FAM135B: variants seen among roughly 807,000 people sequenced by gnomAD.
The protein encoded by FAM135B is family with sequence similarity 135 member B.
FAM135B carries 43 observed loss-of-function variants against 127.7 expected under a neutral mutation model. That is an observed-to-expected ratio of 0.34 (90% CI 0.26 to 0.43). The LOEUF (loss-of-function observed/expected upper bound fraction) is 0.43, where lower values mean the gene tolerates loss of function less well. Among genes scored for constraint, FAM135B ranks in the 20% least tolerant of loss-of-function variants. The pLI is 1.00. For missense variants in FAM135B, 1,558 were observed against 1,725.6 expected, an observed-to-expected ratio of 0.90 and a Z score of 1.72; for synonymous variants, 670 against 665.1, an observed-to-expected ratio of 1.01 and a Z score of -0.11.
chr8:138,140,359 G>T (rs1250652873), intron 17 of FAM135B, among the ~76,000 whole-genome samples: 1 of 152,186 alleles, frequency 6.6e-6, no homozygotes, highest in Non-Finnish European at 1.5e-5. Context: ...CACATAATGG[G>T]TTTGAACAAT....
chr8:138,417,395 C>T lies in FAM135B; in HGVS notation c.-19-49393G>A, dbSNP rs572784015. 3.3e-5 allele frequency among the ~76,000 whole-genome samples: 5 copies of T among 152,248 alleles called. No individual in the cohort carries two copies. The South Asian group carries it at 1.0e-3, about 32-fold the overall frequency. ...TAGGCAGGCCCTCACCACCAGCAACCCTCTCCCCATGCTGCTTTTTTGGTG... is the reference window on the plus strand; with the variant it reads ...TAGGCAGGCCCTCACCACCAGCAACTCTCTCCCCATGCTGCTTTTTTGGTG... On this transcript the variant is annotated intron_variant, in intron 1 of 19. Coordinates refer to ENST00000395297, the MANE Select transcript of FAM135B (RefSeq NM_015912.4).
intron 7 of FAM135B, among the ~76,000 whole-genome samples, chr8:138,217,816 G>C (rs984400873): frequency 1.3e-5 from 2 of 152,110 alleles, no homozygotes; most frequent in African/African-American, 2.4e-5. Context: ...TGAACTACCT[G>C]GTCCTTTCCT....
intron 7 of FAM135B, among the ~76,000 whole-genome samples, chr8:138,220,856 G>C (rs1012028991): frequency 2.6e-5 from 4 of 152,194 alleles, no homozygotes; most frequent in African/African-American, 9.7e-5. Flanking sequence ...AGGAGAGTAA[G>C]AAGCAAGGGA....
In FAM135B at chr8:138,433,638, G is replaced by C. The variant is rs531335852; in HGVS notation, c.-20+63033C>G. Among the ~76,000 whole-genome samples the C allele has an allele frequency of 2.0e-5, 3 of 152,294 alleles. No homozygotes were observed. The East Asian group carries it at 5.8e-4, about 29-fold the overall frequency. ...AGTTGATGAAATTCATGCTCAGGAA[G>C]ATCAGGTGGCTGAAGCTCACATGGT... On this transcript the variant is annotated intron_variant, in intron 1 of 19. Transcript: ENST00000395297.
At chr8:138,350,899 A>C (rs1471605949) in intron 2 of FAM135B, among the ~76,000 whole-genome samples, 2 of 152,144 alleles carry the variant, frequency 1.3e-5, no homozygotes, top group East Asian at 3.9e-4. Context: ...CATGGTCTTC[A>C]TATCTAATGT....
intron 1 of FAM135B, chr8:138,439,751 T>A (rs1348703043): frequency 6.6e-6 from 1 of 152,198 alleles, no homozygotes; most frequent in Admixed American, 6.5e-5. Flanking sequence ...TTGTGTCCCA[T>A]GTTACAACTG....
At chr8:138,286,317 T>C (rs1824682526) in intron 3 of FAM135B, among the ~76,000 whole-genome samples, 1 of 152,164 alleles carries the variant, frequency 6.6e-6, no homozygotes, top group African/African-American at 2.4e-5. Flanking sequence ...GACCCCTGGG[T>C]CAGGTTAGTG....
chr8:138,348,986 C>T (rs112342592), intron 2 of FAM135B, among the ~76,000 whole-genome samples: 1,889 of 152,318 alleles, frequency 0.012, 37 homozygotes, highest in African/African-American at 0.043. Flanking sequence ...CCCTCTGGCA[C>T]CAGACTAGAT....
intron 1 of FAM135B, among the ~76,000 whole-genome samples, chr8:138,433,353 C>A (rs1835295939): frequency 1.3e-5 from 2 of 151,608 alleles, no homozygotes; most frequent in South Asian, 4.2e-4. Context: ...GAAACCCCGT[C>A]TCTATTAAAA....
Position 138,362,340 on chromosome 8 carries a change from A to T in FAM135B, c.77+5567T>A, listed in dbSNP as rs551614701. 1.9e-4 allele frequency among the ~76,000 whole-genome samples: 25 copies of T among 129,890 alleles called. 1 individual carries two copies. Among genetic ancestry groups the T allele is most frequent in the African/African-American group, 7.1e-4 (24 of 33,892 alleles). The allele number at this position is 129,890 out of a possible 152,430, so 85.2% of individuals were successfully genotyped here. A position where few individuals can be genotyped will look rare whatever the true frequency, so the allele number is the denominator to read the frequency against. On this transcript the variant is annotated intron_variant, in intron 2 of 19. Transcript: ENST00000395297. Reference sequence around the variant, plus strand: ...ATTACACAATTTGGTGATGGTAGGGACCATTCATCTGATCATCTCCTCAAG... The same window carrying T: ...ATTACACAATTTGGTGATGGTAGGGTCCATTCATCTGATCATCTCCTCAAG...
chr8:138,158,620 A>C (rs1185565186), intron 12 of FAM135B, among the ~76,000 whole-genome samples: 1 of 152,198 alleles, frequency 6.6e-6, no homozygotes, highest in Non-Finnish European at 1.5e-5. Flanking sequence ...CCCCATCAAA[A>C]AGTGGGCAAA....
At chr8:138,197,903 C>T (rs752782322) in intron 7 of FAM135B, among the ~76,000 whole-genome samples, 1 of 152,114 alleles carries the variant, frequency 6.6e-6, no homozygotes, top group Non-Finnish European at 1.5e-5. Flanking sequence ...CTGAAATCTG[C>T]CACACCTTTG....
chr8:138,178,175 G>A (rs188693120), intron 10 of FAM135B, among the ~76,000 whole-genome samples: 194 of 152,164 alleles, frequency 1.3e-3, no homozygotes, highest in Non-Finnish European at 2.4e-3. Context: ...TTGAATCAGG[G>A]AGGTGGAGAT....
Position 138,497,156 on chromosome 8 carries a change from T to TCCGCG in FAM135B, c.-510_-506dup, listed in dbSNP as rs1382105891. 7.1e-4 allele frequency among the ~76,000 whole-genome samples: 107 copies of TCCGCG among 151,076 alleles called. 1 individual carries two copies. The highest frequency in any genetic ancestry group is 8.3e-4 in the South Asian group (4 of 4,826). ...CCTCCGCCGGGACGCGGCCAGACCC[T>TCCGCG]CCGCGCCGCGCCGCGCGCCCTCGCG... On this transcript the variant is annotated 5_prime_UTR_variant, in exon 1 of 20. Transcript: ENST00000395297.
chr8:138,279,972 C>G (rs1824134377), intron 3 of FAM135B, among the ~76,000 whole-genome samples: 1 of 152,190 alleles, frequency 6.6e-6, no homozygotes, highest in African/African-American at 2.4e-5. Flanking sequence ...ACTCCTATAT[C>G]TGAAAACTCA....
Position 138,442,258 on chromosome 8 carries a change from A to ATG in FAM135B, c.-20+54412_-20+54413insCA, listed in dbSNP as rs1384727690. Reference sequence around the variant, plus strand: ...ACACCATATATATATATATATATATATATATATATATATATATATGAAAAA... The same window carrying ATG: ...ACACCATATATATATATATATATATATGTATATATATATATATATATGAAAAA... On this transcript the variant is annotated intron_variant, in intron 1 of 19. Coordinates refer to ENST00000395297, the MANE Select transcript of FAM135B (RefSeq NM_015912.4). 9.6e-5 allele frequency among the ~76,000 whole-genome samples: 12 copies of ATG among 125,024 alleles called. 1 individual carries two copies. Among genetic ancestry groups the ATG allele is most frequent in the Admixed American group, 1.6e-4 (2 of 12,410 alleles). The allele number at this position is 125,024 out of a possible 152,430, so 82.0% of individuals were successfully genotyped here.
chr8:138,145,615 T>A (rs1586591830), intron 15 of FAM135B, among the ~76,000 whole-genome samples: 1 of 152,268 alleles, frequency 6.6e-6, no homozygotes, highest in Non-Finnish European at 1.5e-5. Flanking sequence ...TGCACAACTT[T>A]GTATAGAGCA....
At chr8:138,322,895 T>C (rs1354494626) in intron 2 of FAM135B, among the ~76,000 whole-genome samples, 1 of 152,160 alleles carries the variant, frequency 6.6e-6, no homozygotes, top group African/African-American at 2.4e-5. Flanking sequence ...GCCTGCAAAG[T>C]CCTGCCAATA....
At chr8:138,264,067 C>A (rs567892571) in intron 4 of FAM135B, among the ~76,000 whole-genome samples, 37 of 152,326 alleles carry the variant, frequency 2.4e-4, no homozygotes, top group African/African-American at 8.7e-4. Flanking sequence ...CTCCTTTCCC[C>A]TCCCTCTCTG....
Sources: gnomAD v4.1 joint callset for allele counts (sites outside exome capture counted in the v4.1 genomes callset) on GRCh38, gnomAD v4.1.1 for gene constraint, MANE v1.5 for transcripts, NCBI Gene and HGNC (gene_info 2026-07-23, HGNC 2026-07-21) for gene names.